Variants in ITIH1 observed in about 807,000 individuals in gnomAD.
ITIH1 encodes inter-alpha-trypsin inhibitor heavy chain H1.
ITIH1 carries 94 observed loss-of-function variants against 104.6 expected under a neutral mutation model. The observed-to-expected ratio is 0.90, with a 90% CI of 0.76 to 1.07. The LOEUF is 1.07. Ranked by LOEUF, ITIH1 falls within the 50% of genes least tolerant of loss-of-function variation. The pLI is 0.00. For missense variants in ITIH1, 1,193 were observed against 1,181.4 expected (o/e 1.01, Z -0.14); for synonymous variants, 455 against 464.4 (o/e 0.98, Z 0.26).
At chr3:52,789,125 A>G (rs958068647) in intron 18 of ITIH1, among the ~76,000 whole-genome samples, 3 of 151,368 alleles carry the variant, frequency 2.0e-5, no homozygotes, top group Non-Finnish European at 2.9e-5. Context: ...TTGTGCACCA[A>G]CGAGGGGCTG....
intron 11 of ITIH1, 114 bp downstream of exon 11, chr3:52,784,591 A>C: frequency 3.8e-6 from 4 of 1,062,038 alleles, no homozygotes; most frequent in Non-Finnish European, 5.4e-6. Flanking sequence ...TAGAGTTCAA[A>C]TCAGCTGCAT....
Position 52,780,281 on chromosome 3 carries a change from A to G in ITIH1, c.586A>G (p.Ile196Val), listed in dbSNP as rs1037443967. 3.7e-6 allele frequency: 6 copies of G among 1,612,750 alleles called. No individual in the cohort carries two copies. The African/African-American group carries it at 6.7e-5, about 18-fold the overall frequency. Residue 196 changes from isoleucine (I) to valine (V), a missense_variant, in exon 6 of 22, where the codon ATC becomes GTC. Ile to Val is a conservative substitution (Grantham distance 29). Coordinates refer to ENST00000273283, the MANE Select transcript of ITIH1 (RefSeq NM_002215.4). ...TTCAATGTTGCAGATTGATGTGGAC[A>G]TCTTCGAGCCCCAGGGGATCAGCAA... ...LVHHFEIDVD[I>V]FEPQGISKLD...
Position 52,782,542 on chromosome 3 carries a change from T to G in ITIH1, c.930+275T>G, listed in dbSNP as rs535519107. 2.6e-5 allele frequency among the ~76,000 whole-genome samples: 4 copies of G among 151,146 alleles called. 1 individual carries two copies. In the South Asian group the frequency reaches 8.3e-4, roughly 31 times the overall value. ...TCATGGAGTTACCCCCTGGGGGAAGTGCTTAGAAGAGGAAACCTGTGCACT... is the reference window on the plus strand; with the variant it reads ...TCATGGAGTTACCCCCTGGGGGAAGGGCTTAGAAGAGGAAACCTGTGCACT... On this transcript the variant is annotated intron_variant, in intron 8 of 21. Coordinates refer to ENST00000273283, the MANE Select transcript of ITIH1 (RefSeq NM_002215.4).
rs768651185 is a variant in ITIH1, at chr3:52,788,234, G to T, written c.2008G>T (p.Asp670Tyr). 26 of 1,608,008 alleles carry T rather than the reference G, an allele frequency of 1.6e-5. No individual in the cohort carries two copies. The highest frequency in any genetic ancestry group is 2.1e-5 in the Non-Finnish European group (25 of 1,176,342). ...QRLPDRVTGV[D>Y]TDPHFIIHVP... ...CGAATTCCATGCTGTGCCCCCAGTG[G>T]ACACAGACCCTCACTTCATCATCCA... Residue 670 changes from aspartate (D) to tyrosine (Y), a missense_variant and splice_region_variant, in exon 18 of 22, where the codon GAC becomes TAC. Coordinates refer to ENST00000273283, the MANE Select transcript of ITIH1 (RefSeq NM_002215.4).
chr3:52,788,108 C>T (rs375838862), intron 17 of ITIH1, 42 bp downstream of exon 17: 2 of 1,550,532 alleles, frequency 1.3e-6, no homozygotes, highest in Non-Finnish European at 1.8e-6. Context: ...CTGTTTGGGA[C>T]CCACCCTATC....
At position 52,778,343 on chromosome 3, in the gene ITIH1, G is replaced by A; in HGVS notation, c.142G>A (p.Val48Ile). Residue 48 changes from valine (V) to isoleucine (I), a missense_variant, in exon 3 of 22, where the codon GTC (valine) becomes ATC (isoleucine). Transcript: ENST00000273283. ...SEKRQAVDTA[V>I]DGVFIRSLKV... Reference sequence around the variant, plus strand: ...GCTCCTTCATGTCTCACTTTAGGCTGTCGATGGCGTGTTCATCCGGAGTTT... The same window carrying A: ...GCTCCTTCATGTCTCACTTTAGGCTATCGATGGCGTGTTCATCCGGAGTTT... 3.7e-6 allele frequency: 6 copies of A among 1,614,200 alleles called. No homozygotes were observed. Among genetic ancestry groups the A allele is most frequent in the Non-Finnish European group, 5.1e-6 (6 of 1,180,022 alleles).
Position 52,778,372 on chromosome 3 carries a change from A to G in ITIH1, c.171A>G (p.Lys57=), listed in dbSNP as rs200905720. The G allele has an allele frequency of 6.2e-7, 1 of 1,614,230 alleles. No individual in the cohort carries two copies. Among genetic ancestry groups the G allele is most frequent in the Admixed American group, 1.7e-5 (1 of 60,026 alleles). The change falls in exon 3 of 22, where the codon AAA becomes AAG. Residue 57 remains lysine (K), a synonymous_variant. Transcript: ENST00000273283. ...ATGGCGTGTTCATCCGGAGTTTGAA[A>G]GTCAACTGCAAAGTCACCTCTCGCT... ...AVDGVFIRSL[K]VNCKVTSRFA...
In ITIH1 at chr3:52,784,385, G is replaced by A; in HGVS notation, c.1315G>A (p.Val439Met). 3 of 1,614,172 alleles carry A rather than the reference G, an allele frequency of 1.9e-6. No homozygotes were observed. Among genetic ancestry groups the A allele is most frequent in the Non-Finnish European group, 2.5e-6 (3 of 1,180,010 alleles). The part of the protein sequence containing the change: ...PLYNLGFGHN[V>M]DFNFLEVMSM... ...CTACAACCTGGGTTTCGGCCACAAT[G>A]TGGACTTTAACTTTCTGGAGGTCAT... The change falls in exon 11 of 22, where the codon GTG becomes ATG. Residue 439 changes from valine to methionine, a missense_variant. By Grantham distance (21) the Val-to-Met change is conservative. Transcript: ENST00000273283.
chr3:52,780,686 C>T (rs1023478458), intron 6 of ITIH1, among the ~76,000 whole-genome samples: 4 of 152,212 alleles, frequency 2.6e-5, no homozygotes, highest in Non-Finnish European at 2.9e-5. Context: ...CCTCTTTGCC[C>T]GCCTCACGCC....
intron 10 of ITIH1, 97 bp downstream of exon 10, chr3:52,783,436 A>T: frequency 7.2e-7 from 1 of 1,389,476 alleles, no homozygotes; most frequent in South Asian, 1.3e-5. Context: ...AGATGCCATC[A>T]GGGGGCAGAA....
In ITIH1 at chr3:52,777,830, C is replaced by G. The variant is rs1698943387; in HGVS notation, c.117+98C>G. ...CCCATTCAAGGGGCCAGGGTCACCC[C>G]CACCACCTCCACCACTTCTGAGTGG... On this transcript the variant is annotated intron_variant, in intron 1 of 21. Transcript: ENST00000273283. The G allele has an allele frequency of 2.3e-6, 3 of 1,327,374 alleles. No individual in the cohort carries two copies. In the South Asian group the frequency reaches 3.7e-5, roughly 17 times the overall value. The allele number at this position is 1,327,374 out of a possible 1,614,324, so 82.2% of individuals were successfully genotyped here.
Position 52,787,970 on chromosome 3 carries a change from C to CTT in ITIH1, c.1925-15_1925-14insTT, listed in dbSNP as rs769521844. On this transcript the variant is annotated splice_polypyrimidine_tract_variant and intron_variant, in intron 16 of 21. Transcript: ENST00000273283. Reference sequence around the variant, plus strand: ...CTGGCTGCCCCGCTTCTAAATGCCACTCCCCCTCCCATCAGCGTTCGTGCT... The same window carrying CTT: ...CTGGCTGCCCCGCTTCTAAATGCCACTTTCCCCCTCCCATCAGCGTTCGTGCT... The CTT allele has an allele frequency of 4.6e-5, 73 of 1,590,406 alleles. No individual in the cohort carries two copies. Among genetic ancestry groups the CTT allele is most frequent in the Non-Finnish European group, 6.1e-5 (71 of 1,165,692 alleles).
rs1699297374 is a variant in ITIH1, at chr3:52,789,673, C to T, written c.2140C>T (p.Leu714Phe). The change falls in exon 19 of 22, where the codon CTC (leucine) becomes TTC (phenylalanine). Residue 714 changes from leucine to phenylalanine, a missense_variant. Physicochemically the swap from Leu to Phe is conservative, Grantham distance 22. Coordinates refer to ENST00000273283, the MANE Select transcript of ITIH1 (RefSeq NM_002215.4). ...TGCAGGCTTCTCAGTGAATGGACAG[C>T]TCATTGGCAACAAGGCCAGGAGCCC... ...PNTGFSVNGQ[L>F]IGNKARSPGQ... The T allele has an allele frequency of 6.2e-7, 1 of 1,614,072 alleles. No homozygotes were observed. The highest frequency in any genetic ancestry group is 8.5e-7 in the Non-Finnish European group (1 of 1,180,044).
At chr3:52,791,349 C>G (rs972703560) in intron 20 of ITIH1, among the ~76,000 whole-genome samples, 168 bp from the exon 21 acceptor site, 2 of 152,142 alleles carry the variant, frequency 1.3e-5, no homozygotes, top group Non-Finnish European at 2.9e-5. Context: ...TTCTCTATAG[C>G]AAGTGAACCA....
At chr3:52,786,482 C>T in intron 13 of ITIH1, 48 bp downstream of exon 13, 1 of 1,532,718 alleles carries the variant, frequency 6.5e-7, no homozygotes. Flanking sequence ...ACCCCAGAGT[C>T]CCCCCACCCC....
chr3:52,785,709 G>A (rs938418777), intron 12 of ITIH1, among the ~76,000 whole-genome samples: 3 of 152,210 alleles, frequency 2.0e-5, no homozygotes, highest in African/African-American at 4.8e-5. Context: ...CAGAACTCAG[G>A]CTTTGAGTAA....
chr3:52,784,338 C>T lies in ITIH1; in HGVS notation c.1268C>T (p.Ala423Val). ...RSQILKNVRN[A>V]IRGRFPLYNL... ...CAAATCCTCAAGAACGTCCGCAACGCCATCCGGGGCAGGTTCCCGCTCTAC... is the reference window on the plus strand; with the variant it reads ...CAAATCCTCAAGAACGTCCGCAACGTCATCCGGGGCAGGTTCCCGCTCTAC... The change falls in exon 11 of 22, where the codon GCC becomes GTC. Residue 423 changes from alanine (A) to valine (V), a missense_variant. Ala to Val is a moderately conservative substitution (Grantham distance 64). Transcript: ENST00000273283. 2 of 1,614,146 alleles carry T rather than the reference C, an allele frequency of 1.2e-6. No individual in the cohort carries two copies. Among genetic ancestry groups the T allele is most frequent in the Non-Finnish European group, 1.7e-6 (2 of 1,179,986 alleles).
In ITIH1 at chr3:52,789,500, C is replaced by G. The variant is rs115910437; in HGVS notation, c.2120-153C>G. 3.1e-3 allele frequency among the ~76,000 whole-genome samples: 472 copies of G among 152,158 alleles called. 1 individual carries two copies. The highest frequency in any genetic ancestry group is 0.01 in the African/African-American group (434 of 41,508). The stretch of plus-strand genomic sequence containing the variant: ...GAGGAAGGAGAGGTGGTGCTGTGTG[C>G]GGGACCAGACCTGGAGACCCTGAGG... On this transcript the variant is annotated intron_variant, in intron 18 of 21. Transcript: ENST00000273283.
intron 19 of ITIH1, 148 bp downstream of exon 19, chr3:52,790,002 C>A (rs1699310715): frequency 1.4e-6 from 1 of 731,676 alleles, no homozygotes; most frequent in Non-Finnish European, 2.3e-6. Context: ...CATGGCCCAC[C>A]CAGCCCTCCA....
Sources: gnomAD v4.1 joint callset for allele counts (sites outside exome capture counted in the v4.1 genomes callset) on GRCh38, gnomAD v4.1.1 for gene constraint, MANE v1.5 for transcripts, NCBI Gene and HGNC (gene_info 2026-07-23, HGNC 2026-07-21) for gene names.